ACTN4: variants seen among roughly 807,000 people sequenced by gnomAD.
ACTN4 encodes actinin alpha 4.
A neutral mutation model predicts 114.2 loss-of-function variants in ACTN4; 18 were observed. The observed-to-expected ratio is 0.16, with a 90% CI of 0.11 to 0.23. The LOEUF (loss-of-function observed/expected upper bound fraction) is 0.23, where lower values mean the gene tolerates loss of function less well. Ranked by LOEUF, ACTN4 falls within the 10% of genes least tolerant of loss-of-function variation. The pLI is 1.00. For missense variants in ACTN4, 722 were observed against 1,262.9 expected (o/e 0.57, Z 6.49); for synonymous variants, 515 against 506.3 (o/e 1.02, Z -0.23).
At chr19:38,715,493 T>A (rs986424705) in intron 9 of ACTN4, among the ~76,000 whole-genome samples, 16 of 152,138 alleles carry the variant, frequency 1.1e-4, no homozygotes, top group African/African-American at 3.9e-4. Flanking sequence ...AAGACTCCAT[T>A]AAAATAAAAA....
At chr19:38,712,466 G>T (rs1968688278) in intron 8 of ACTN4, among the ~76,000 whole-genome samples, 1 of 152,182 alleles carries the variant, frequency 6.6e-6, no homozygotes, top group South Asian at 2.1e-4. Context: ...CAGGCAAAGG[G>T]CTTAGCACAG....
intron 19 of ACTN4, chr19:38,728,439 T>G: frequency 2.2e-6 from 2 of 922,204 alleles, no homozygotes; most frequent in Non-Finnish European, 2.8e-6. Flanking sequence ...CTCCTCCTCC[T>G]CCTCCTCCTC....
rs775920712 is a variant in ACTN4 at position 38,727,914 on chromosome 19, C to T, written c.2338-32C>T. On this transcript the variant is annotated intron_variant, in intron 18 of 20. Coordinates refer to ENST00000252699, the MANE Select transcript of ACTN4 (RefSeq NM_004924.6). The surrounding 1 kb of genome is among the most constrained non-coding windows in gnomAD (Gnocchi z 5.4). ...TCATCCTGGTCTCCACGCCGCCCCT[C>T]CCGCACACCTGCCTTCGGATGGCCC... The T allele has an allele frequency of 2.5e-6, 4 of 1,609,548 alleles. No individual in the cohort carries two copies. Among genetic ancestry groups the T allele is most frequent in the Admixed American group, 1.7e-5 (1 of 59,802 alleles).
chr19:38,730,241 T>TA lies in ACTN4; in HGVS notation c.*810dup, dbSNP rs1239765171. 1 of 158,038 alleles carries TA rather than the reference T, an allele frequency of 6.3e-6. No individual in the cohort carries two copies. The highest frequency in any genetic ancestry group is 1.4e-5 in the Non-Finnish European group (1 of 71,452). The allele number at this position is 158,038 out of a possible 1,614,324, so 9.8% of individuals were successfully genotyped here. Reference sequence around the variant, plus strand: ...CTTACGGATTTATTATATAAATATATATTCACCTAGCAACATATCTCTGCC... The same window carrying TA: ...CTTACGGATTTATTATATAAATATATAATTCACCTAGCAACATATCTCTGCC... On this transcript the variant is annotated 3_prime_UTR_variant, in exon 21 of 21. Transcript: ENST00000252699.
In ACTN4 at chr19:38,708,192, G is replaced by A; in HGVS notation, c.648G>A (p.Arg216=). The A allele has an allele frequency of 6.2e-7, 1 of 1,614,190 alleles. No homozygotes were observed. Among genetic ancestry groups the A allele is most frequent in the South Asian group, 1.1e-5 (1 of 91,082 alleles). The change falls in exon 6 of 21, where the codon AGG becomes AGA. Residue 216 remains arginine, a synonymous_variant. Coordinates refer to ENST00000252699, the MANE Select transcript of ACTN4 (RefSeq NM_004924.6). ...AGCTGATTGAGTATGACAAGCTGAGGAAGGTGAGTGTCTCCAGCTCCCCTT... is the reference window on the plus strand; with the variant it reads ...AGCTGATTGAGTATGACAAGCTGAGAAAGGTGAGTGTCTCCAGCTCCCCTT... ...RPELIEYDKL[R]KDDPVTNLNN...
chr19:38,705,687 C>T lies in ACTN4; in HGVS notation c.485-357C>T, dbSNP rs896061566. 2.4e-4 allele frequency among the ~76,000 whole-genome samples: 36 copies of T among 152,362 alleles called. No homozygotes were observed. The East Asian group carries it at 6.0e-3, about 25-fold the overall frequency. ...AAGAGGCCAAGGCCGGTATCAAGGG[C>T]CTGTCTGCAGTGTGTTCTGGTGGTG... On this transcript the variant is annotated intron_variant, in intron 4 of 20. Coordinates refer to ENST00000252699, the MANE Select transcript of ACTN4 (RefSeq NM_004924.6).
rs919475226 is a variant in ACTN4 at position 38,730,515 on chromosome 19, A to G, written c.*1083A>G. Reference sequence around the variant, plus strand: ...CTGGGGACAGGATAATAAAACATGTAATATTTTTAAGAAGGATTCCTGCAG... The same window carrying G: ...CTGGGGACAGGATAATAAAACATGTGATATTTTTAAGAAGGATTCCTGCAG... On this transcript the variant is annotated 3_prime_UTR_variant, in exon 21 of 21. Transcript: ENST00000252699. 1 of 371,794 alleles carries G rather than the reference A, an allele frequency of 2.7e-6. No homozygotes were observed. The highest frequency in any genetic ancestry group is 2.0e-5 in the African/African-American group (1 of 49,094). The allele number at this position is 371,794 out of a possible 1,614,324, so 23.0% of individuals were successfully genotyped here.
At chr19:38,720,661 G>A (rs1027881773) in intron 11 of ACTN4, among the ~76,000 whole-genome samples, 1 of 152,226 alleles carries the variant, frequency 6.6e-6, no homozygotes, top group African/African-American at 2.4e-5. Flanking sequence ...TGAAACTTGA[G>A]AATAGTTCCA....
At chr19:38,728,432 C>T (rs1599865267) in intron 19 of ACTN4, 1 of 1,047,656 alleles carries the variant, frequency 9.5e-7, no homozygotes, top group Non-Finnish European at 1.3e-6. Flanking sequence ...CCTCCTCCTC[C>T]TCCTCCTCCT....
At chr19:38,675,663 CAT>C (rs1347908873) in intron 1 of ACTN4, among the ~76,000 whole-genome samples, 1 of 152,260 alleles carries the variant, frequency 6.6e-6, no homozygotes, top group East Asian at 1.9e-4. Context: ...ATGTTGCTAT[CAT>C]GTGCACTTTG....
chr19:38,714,139 T>A (rs557573029), intron 8 of ACTN4, among the ~76,000 whole-genome samples: 1 of 152,114 alleles, frequency 6.6e-6, no homozygotes, highest in Non-Finnish European at 1.5e-5. Context: ...TCCTCCGCAG[T>A]CTTAGGTCCA....
chr19:38,698,041 A>G (rs1488661483), intron 1 of ACTN4, among the ~76,000 whole-genome samples: 1 of 152,108 alleles, frequency 6.6e-6, no homozygotes, highest in African/African-American at 2.4e-5. Flanking sequence ...AACATCCAAT[A>G]AGACTAAAAG....
chr19:38,731,173 C>G lies in ACTN4; in HGVS notation c.*1741C>G, dbSNP rs753093200. 1 of 1,613,208 alleles carries G rather than the reference C, an allele frequency of 6.2e-7. No homozygotes were observed. Among genetic ancestry groups the G allele is most frequent in the Admixed American group, 1.7e-5 (1 of 60,028 alleles). ...TCGAAGTCCACACGCAGACGGCTAT[C>G]CCGGTAGCGGCTGGTGAGGGTCTGG... On this transcript the variant is annotated 3_prime_UTR_variant, in exon 21 of 21. Coordinates refer to ENST00000252699, the MANE Select transcript of ACTN4 (RefSeq NM_004924.6).
intron 1 of ACTN4, among the ~76,000 whole-genome samples, chr19:38,657,414 G>T (rs935554957): frequency 6.6e-6 from 1 of 152,070 alleles, no homozygotes; most frequent in African/African-American, 2.4e-5. Context: ...AAGTGCTGGG[G>T]TTACAGGCAT....
At chr19:38,669,454 G>C (rs1967066514) in intron 1 of ACTN4, among the ~76,000 whole-genome samples, 1 of 152,202 alleles carries the variant, frequency 6.6e-6, no homozygotes, top group Non-Finnish European at 1.5e-5. Context: ...GAAAGGCATA[G>C]GTGACCCAGT....
Position 38,647,808 on chromosome 19 carries a change from C to A in ACTN4, c.63C>A (p.Gly21=), listed in dbSNP as rs748673375. The A allele has an allele frequency of 1.9e-6, 3 of 1,552,844 alleles. No individual in the cohort carries two copies. The highest frequency in any genetic ancestry group is 3.8e-5 in the Admixed American group (2 of 52,192). ...YQYGPSSAGN[G]AGGGGSMGDY... ...ACGGCCCCAGCAGCGCGGGCAATGG[C>A]GCTGGCGGCGGGGGCAGCATGGGCG... The change falls in exon 1 of 21, where the codon GGC becomes GGA. Residue 21 remains glycine (G), a synonymous_variant. Coordinates refer to ENST00000252699, the MANE Select transcript of ACTN4 (RefSeq NM_004924.6).
intron 1 of ACTN4, among the ~76,000 whole-genome samples, chr19:38,659,155 G>A (rs1191859386): frequency 7.0e-6 from 1 of 143,726 alleles, no homozygotes; most frequent in Non-Finnish European, 1.5e-5. Flanking sequence ...CCGCATCCTG[G>A]GTTCAAGTGA....
At chr19:38,673,546 T>C (rs1259298972) in intron 1 of ACTN4, among the ~76,000 whole-genome samples, 16 of 113,486 alleles carry the variant, frequency 1.4e-4, no homozygotes, top group East Asian at 7.2e-4. Context: ...CTTATATATA[T>C]TTATATATAC....
chr19:38,660,791 G>A (rs180793469), intron 1 of ACTN4, among the ~76,000 whole-genome samples: 1 of 152,354 alleles, frequency 6.6e-6, no homozygotes. Context: ...CCCTGTGACA[G>A]TGCCAGGATT....
Sources: allele counts gnomAD v4.1 joint callset (sites outside exome capture counted in the v4.1 genomes callset), GRCh38; gene constraint gnomAD v4.1.1; non-coding constraint Gnocchi (gnomAD v3.1); transcripts MANE v1.5; gene names NCBI Gene and HGNC (gene_info 2026-07-23, HGNC 2026-07-21).